Variants in ADAMTSL1 observed in about 807,000 individuals in gnomAD.
ADAMTSL1 encodes the protein ADAMTS like 1, also known as ADAMTS-like protein 1.
Under a neutral mutation model 201.8 loss-of-function variants are expected in ADAMTSL1, and 126 were observed. That is an observed-to-expected ratio of 0.62 (90% CI 0.54 to 0.72). The LOEUF is 0.72. ADAMTSL1 is among the 30% of genes least tolerant of loss of function. The pLI, the probability that ADAMTSL1 is intolerant of heterozygous loss-of-function variation, is 0.00. For synonymous variants in ADAMTSL1, 1,121 were observed against 903.4 expected (o/e 1.24, Z -4.32); for missense variants, 2,679 against 2,277.8 (o/e 1.18, Z -3.59).
chr9:18,447,558 G>A (rs1489052801), intron 2 of ADAMTSL1, among the ~76,000 whole-genome samples: 3 of 152,178 alleles, frequency 2.0e-5, no homozygotes, highest in Non-Finnish European at 2.9e-5. Flanking sequence ...GTAAAGCAAT[G>A]ACATTGTCCT....
At chr9:17,979,397 T>C (rs1818592352) in intron 1 of ADAMTSL1, among the ~76,000 whole-genome samples, 1 of 152,122 alleles carries the variant, frequency 6.6e-6, no homozygotes, top group African/African-American at 2.4e-5. Context: ...GACTGGATAA[T>C]TTCAAATGTC....
chr9:18,626,501 A>G (rs888962963), intron 5 of ADAMTSL1, among the ~76,000 whole-genome samples: 5 of 152,244 alleles, frequency 3.3e-5, no homozygotes, highest in African/African-American at 1.2e-4. Context: ...TTCATGAAGA[A>G]CAAAGAAGCC....
At chr9:17,909,422 C>T (rs1000135154) in intron 1 of ADAMTSL1, among the ~76,000 whole-genome samples, 36 of 141,794 alleles carry the variant, frequency 2.5e-4, no homozygotes, top group Middle Eastern at 3.6e-3. Context: ...ATGGTAATGC[C>T]TAGGTTTTCT....
intron 15 of ADAMTSL1, among the ~76,000 whole-genome samples, chr9:18,749,728 C>T (rs1192863620): frequency 6.6e-6 from 1 of 151,866 alleles, no homozygotes; most frequent in Non-Finnish European, 1.5e-5. Context: ...AGAGTCTCTG[C>T]TTTCCCTTCA....
rs147185510 is a variant in ADAMTSL1 at position 18,434,743 on chromosome 9, C to T, written c.208-70086C>T. On this transcript the variant is annotated intron_variant, in intron 2 of 29. Coordinates refer to the ADAMTSL1 transcript ENST00000680146. ...CTCAAATGGCTCCTACAGTCTTTTA[C>T]ATGACTTGCCTGCCCTGCAAGATCT... Among the ~76,000 whole-genome samples the T allele has an allele frequency of 4.8e-3, 737 of 152,296 alleles. 11 individuals carry two copies. Among genetic ancestry groups the T allele is most frequent in the African/African-American group, 0.017 (699 of 41,564 alleles).
intron 1 of ADAMTSL1, among the ~76,000 whole-genome samples, chr9:17,935,587 A>G (rs1283198680): frequency 6.6e-6 from 1 of 152,144 alleles, no homozygotes; most frequent in African/African-American, 2.4e-5. Context: ...TCCCAAAGCC[A>G]TTGCCAATGA....
At chr9:17,987,749 C>A (rs964768049) in intron 1 of ADAMTSL1, among the ~76,000 whole-genome samples, 6 of 151,992 alleles carry the variant, frequency 3.9e-5, no homozygotes, top group Non-Finnish European at 7.4e-5. Context: ...GGAAACTTTT[C>A]TTATCTTTCC....
At chr9:18,455,540 T>A (rs1156796072) in intron 2 of ADAMTSL1, among the ~76,000 whole-genome samples, 1 of 152,138 alleles carries the variant, frequency 6.6e-6, no homozygotes, top group African/African-American at 2.4e-5. Flanking sequence ...TTTTAATCTT[T>A]AGGACAGCCA....
intron 4 of ADAMTSL1, among the ~76,000 whole-genome samples, chr9:18,592,376 A>G (rs776794): frequency 0.33 from 49,471 of 152,052 alleles, 8,397 homozygotes; most frequent in East Asian, 0.54. Flanking sequence ...TTTTCTGATC[A>G]GCTCATGAGG....
intron 1 of ADAMTSL1, among the ~76,000 whole-genome samples, chr9:18,113,296 G>C (rs1303718907): frequency 6.6e-6 from 1 of 152,148 alleles, no homozygotes; most frequent in African/African-American, 2.4e-5. Context: ...CATAATTGAA[G>C]GATCTTGATG....
chr9:18,535,258 A>G (rs1819691441), intron 3 of ADAMTSL1, among the ~76,000 whole-genome samples: 1 of 152,202 alleles, frequency 6.6e-6, no homozygotes, highest in Non-Finnish European at 1.5e-5. Context: ...CCTCTTTGCT[A>G]AAGCATAAAC....
At chr9:18,179,753 G>A (rs1397541644) in intron 2 of ADAMTSL1, among the ~76,000 whole-genome samples, 2 of 152,034 alleles carry the variant, frequency 1.3e-5, no homozygotes, top group African/African-American at 4.8e-5. Flanking sequence ...TTTCAACCCA[G>A]AATTTCATAT....
At chr9:18,899,037 T>A (rs766239653) in intron 26 of ADAMTSL1, among the ~76,000 whole-genome samples, 9 of 152,188 alleles carry the variant, frequency 5.9e-5, no homozygotes, top group Non-Finnish European at 1.0e-4. Flanking sequence ...TGACCCTTTA[T>A]CTACAAAATC....
chr9:18,238,498 A>T (rs755542431), intron 2 of ADAMTSL1, among the ~76,000 whole-genome samples: 5 of 152,122 alleles, frequency 3.3e-5, no homozygotes, highest in Non-Finnish European at 7.4e-5. Flanking sequence ...TGTAGCTGTT[A>T]CTTAATCTCT....
At chr9:18,333,634 C>CA (rs1456437413) in intron 2 of ADAMTSL1, among the ~76,000 whole-genome samples, 2 of 151,960 alleles carry the variant, frequency 1.3e-5, no homozygotes, top group South Asian at 2.1e-4. Flanking sequence ...GAAACAGGGA[C>CA]AAAATACTCT....
At chr9:18,497,699 T>C (rs1296543951) in intron 1 of ADAMTSL1, among the ~76,000 whole-genome samples, 1 of 152,200 alleles carries the variant, frequency 6.6e-6, no homozygotes, top group Admixed American at 6.5e-5. Flanking sequence ...TATTCAATGG[T>C]CTGTCGAAAA....
chr9:18,546,478 C>G (rs935930130), intron 3 of ADAMTSL1, among the ~76,000 whole-genome samples: 1 of 152,034 alleles, frequency 6.6e-6, no homozygotes, highest in South Asian at 2.1e-4. Flanking sequence ...AGTAAATATA[C>G]TTTATAGCTC....
chr9:18,130,218 C>A (rs1381500077), intron 1 of ADAMTSL1, among the ~76,000 whole-genome samples: 1 of 152,122 alleles, frequency 6.6e-6, no homozygotes, highest in Non-Finnish European at 1.5e-5. Flanking sequence ...GGCATTTTCA[C>A]CTCGCATTAG....
chr9:18,095,487 A>G (rs956472133), intron 1 of ADAMTSL1, among the ~76,000 whole-genome samples: 3 of 137,872 alleles, frequency 2.2e-5, no homozygotes, highest in African/African-American at 8.2e-5. Flanking sequence ...CAGTGGCACG[A>G]TTTTGGCTTA....
Sources: allele counts gnomAD v4.1 joint callset (sites outside exome capture counted in the v4.1 genomes callset), GRCh38; gene constraint gnomAD v4.1.1; transcripts MANE v1.5; gene names NCBI Gene and HGNC (gene_info 2026-07-23, HGNC 2026-07-21).